The following PTPRD variants were observed in gnomAD, a reference collection of about 807,000 sequenced individuals.
The protein encoded by PTPRD is protein tyrosine phosphatase receptor type D.
In PTPRD, 34 loss-of-function variants were observed where a neutral mutation model predicts 214.5. That is an observed-to-expected ratio of 0.16 (90% confidence interval 0.12 to 0.21). PTPRD has a LOEUF of 0.21. Ranked by LOEUF, PTPRD falls within the 10% of genes least tolerant of loss-of-function variation. The probability of loss-of-function intolerance (pLI) is 1.00; values close to 1 mark genes in which losing one functional copy is unlikely to be tolerated. For missense variants in PTPRD, 2,545 were observed against 2,398.7 expected (o/e 1.06, Z -1.27); for synonymous variants, 1,128 against 845.7 (o/e 1.33, Z -5.79).
chr9:9,068,521 A>G (rs539368495), intron 10 of PTPRD, among the ~76,000 whole-genome samples: 4 of 152,296 alleles, frequency 2.6e-5, no homozygotes, highest in African/African-American at 9.6e-5. Flanking sequence ...TAGTATTTTA[A>G]TAACTGCTTT....
chr9:8,836,587 C>CT (rs34572407), intron 11 of PTPRD, among the ~76,000 whole-genome samples: 1,421 of 66,782 alleles, frequency 0.021, 101 homozygotes, highest in African/African-American at 0.075. Context: ...TAATAAAAAC[C>CT]TTTTTTTTTT....
chr9:8,964,025 C>T (rs762521547), intron 11 of PTPRD, among the ~76,000 whole-genome samples: 60 of 151,696 alleles, frequency 4.0e-4, no homozygotes, highest in Middle Eastern at 3.2e-3. Context: ...TTTGTTGTTT[C>T]TTTGCCAGGT....
chr9:9,788,826 G>C (rs1162452006), intron 5 of PTPRD, among the ~76,000 whole-genome samples: 1 of 151,948 alleles, frequency 6.6e-6, no homozygotes, highest in African/African-American at 2.4e-5. Flanking sequence ...GCAATAATCA[G>C]TGAAGTGTTT....
At position 10,254,949 on chromosome 9, in the gene PTPRD, C is replaced by T. The variant is rs149537211; in HGVS notation, c.-545+86014G>A. ...ATCCAAATATATATTACAATTTTTT[C>T]ACTTGCTTCTTATGTGCTGTATAAA... On this transcript the variant is annotated intron_variant, in intron 3 of 45. Transcript: ENST00000381196. 3.0e-3 allele frequency among the ~76,000 whole-genome samples: 452 copies of T among 152,288 alleles called. 5 individuals carry two copies. Among genetic ancestry groups the T allele is most frequent in the African/African-American group, 0.01 (428 of 41,568 alleles).
At chr9:8,576,098 T>C (rs1487483789) in intron 14 of PTPRD, among the ~76,000 whole-genome samples, 1 of 152,254 alleles carries the variant, frequency 6.6e-6, no homozygotes, top group Non-Finnish European at 1.5e-5. Context: ...ACTGTTTATC[T>C]ATCCTTATAA....
At chr9:10,306,145 C>T (rs2096060662) in intron 3 of PTPRD, among the ~76,000 whole-genome samples, 1 of 151,846 alleles carries the variant, frequency 6.6e-6, no homozygotes, top group African/African-American at 2.4e-5. Flanking sequence ...AGCTGGAAAC[C>T]ATCATTTTCA....
chr9:8,781,430 A>C (rs1239079893), intron 11 of PTPRD, among the ~76,000 whole-genome samples: 2 of 152,344 alleles, frequency 1.3e-5, no homozygotes, highest in East Asian at 3.9e-4. Flanking sequence ...AGAAAGACAC[A>C]GTCAGGAGAC....
rs143323720 is a variant in PTPRD at position 8,513,714 on chromosome 9, A to C, written c.1543+4134T>G. ...TTCTTTAGTCAGTAACTTTCTTGTT[A>C]CTCCTTTTTCTTAAGGAGCAGCTCG... On this transcript the variant is annotated intron_variant, in intron 21 of 45. Coordinates refer to ENST00000381196, the MANE Select transcript of PTPRD (RefSeq NM_002839.4). 8.1e-3 allele frequency among the ~76,000 whole-genome samples: 1,229 copies of C among 152,018 alleles called. 23 individuals carry two copies. The highest frequency in any genetic ancestry group is 0.027 in the African/African-American group (1,125 of 41,498).
At chr9:8,812,794 T>A (rs7855611) in intron 11 of PTPRD, among the ~76,000 whole-genome samples, 1 of 151,460 alleles carries the variant, frequency 6.6e-6, no homozygotes, top group African/African-American at 2.4e-5. Context: ...GATCTTGGAC[T>A]TACCTCAGAA....
At chr9:10,012,257 G>T (rs1487114567) in intron 4 of PTPRD, among the ~76,000 whole-genome samples, 4 of 151,898 alleles carry the variant, frequency 2.6e-5, no homozygotes, top group Admixed American at 6.6e-5. Context: ...TTGAAATGAG[G>T]TTTTAATCAC....
intron 5 of PTPRD, among the ~76,000 whole-genome samples, chr9:9,783,984 A>T (rs1033927001): frequency 1.3e-5 from 2 of 152,082 alleles, no homozygotes; most frequent in African/African-American, 4.8e-5. Flanking sequence ...TGGGGAAAAA[A>T]TTCTTGGTGA....
chr9:10,258,436 C>T (rs1273161246), intron 3 of PTPRD, among the ~76,000 whole-genome samples: 1 of 151,970 alleles, frequency 6.6e-6, no homozygotes, highest in African/African-American at 2.4e-5. Context: ...GCTATCTTGC[C>T]ATAATATCTC....
At chr9:10,155,257 T>G (rs781369569) in intron 3 of PTPRD, among the ~76,000 whole-genome samples, 4 of 152,130 alleles carry the variant, frequency 2.6e-5, no homozygotes, top group Non-Finnish European at 4.4e-5. Flanking sequence ...TGACGGTTAT[T>G]GGCATATTGG....
intron 9 of PTPRD, among the ~76,000 whole-genome samples, chr9:9,383,149 G>C (rs1214149536): frequency 6.6e-6 from 1 of 151,666 alleles, no homozygotes; most frequent in East Asian, 1.9e-4. Context: ...TTTTTCTTTT[G>C]TGATTTGGCA....
intron 11 of PTPRD, among the ~76,000 whole-genome samples, chr9:8,949,235 A>AG: frequency 6.6e-6 from 1 of 151,932 alleles, no homozygotes. Context: ...AAAAAAGAAA[A>AG]AAAAGAAAAA....
intron 8 of PTPRD, among the ~76,000 whole-genome samples, chr9:9,491,972 T>G (rs2095922836): frequency 6.6e-6 from 1 of 151,954 alleles, no homozygotes; most frequent in African/African-American, 2.4e-5. Context: ...TTTAAAAGGA[T>G]TTTTTAAACT....
At chr9:9,097,743 T>C (rs1047584067) in intron 10 of PTPRD, among the ~76,000 whole-genome samples, 4 of 152,130 alleles carry the variant, frequency 2.6e-5, no homozygotes, top group African/African-American at 4.8e-5. Context: ...TGGGAGACAA[T>C]TCTCTATGGG....
intron 11 of PTPRD, among the ~76,000 whole-genome samples, chr9:8,925,483 T>C (rs188602257): frequency 4.0e-5 from 6 of 151,668 alleles, no homozygotes; most frequent in African/African-American, 1.2e-4. Flanking sequence ...GGAAAAAAAT[T>C]TCAATTCCCC....
chr9:9,842,479 A>G (rs574021270), intron 5 of PTPRD, among the ~76,000 whole-genome samples: 1 of 152,014 alleles, frequency 6.6e-6, no homozygotes, highest in Non-Finnish European at 1.5e-5. Flanking sequence ...GCTTTAAGAA[A>G]TAAATAAGAA....
Sources: allele counts gnomAD v4.1 joint callset (sites outside exome capture counted in the v4.1 genomes callset), GRCh38; gene constraint gnomAD v4.1.1; transcripts MANE v1.5; gene names NCBI Gene and HGNC (gene_info 2026-07-23, HGNC 2026-07-21).